TENM3: variants seen among roughly 807,000 people sequenced by gnomAD.
TENM3 encodes the protein teneurin-3.
In TENM3, 63 loss-of-function variants were observed where a neutral mutation model predicts 255.1. The observed-to-expected ratio is 0.25, with a 90% CI of 0.20 to 0.30. The LOEUF is 0.30. TENM3 is among the 10% of genes least tolerant of loss of function. TENM3 has a pLI of 1.00. For synonymous variants in TENM3, 1,306 were observed against 1,322.3 expected (o/e 0.99, Z 0.27); for missense variants, 2,929 against 3,461.1 (o/e 0.85, Z 3.86).
chr4:181,552,110 TAGAA>T, the TENM3 span, among the ~76,000 whole-genome samples: 2 of 152,020 alleles, frequency 1.3e-5, no homozygotes, highest in Non-Finnish European at 2.9e-5. Flanking sequence ...CCTCTAAGAA[TAGAA>T]AGAGTAATTT....
chr4:181,741,177 C>A, the TENM3 span, among the ~76,000 whole-genome samples: 1 of 152,124 alleles, frequency 6.6e-6, no homozygotes, highest in Non-Finnish European at 1.5e-5. Context: ...ACTGAAATAT[C>A]AATAATAACA....
At chr4:181,609,371 G>A in the TENM3 span, among the ~76,000 whole-genome samples, 627 of 152,234 alleles carry the variant, frequency 4.1e-3, 1 homozygote, top group Non-Finnish European at 7.0e-3. Flanking sequence ...ACATCACTCT[G>A]TAAGCTTTTT....
intron 3 of TENM3, among the ~76,000 whole-genome samples, chr4:182,494,999 T>A (rs571391000): frequency 3.7e-4 from 56 of 152,244 alleles, no homozygotes; most frequent in African/African-American, 1.3e-3. Context: ...TCTTTGGAGA[T>A]GTTGTATGCT....
the TENM3 span, among the ~76,000 whole-genome samples, chr4:182,070,857 C>A: frequency 6.6e-6 from 1 of 152,128 alleles, no homozygotes; most frequent in African/African-American, 2.4e-5. Flanking sequence ...TTGGGGGTAC[C>A]TTTCCTCTAT....
At chr4:181,970,207 A>C in the TENM3 span, among the ~76,000 whole-genome samples, 3 of 152,232 alleles carry the variant, frequency 2.0e-5, no homozygotes, top group South Asian at 2.1e-4. Flanking sequence ...TCATTTAAAT[A>C]ATAATGAGGG....
At chr4:181,620,421 C>G in the TENM3 span, among the ~76,000 whole-genome samples, 3 of 152,124 alleles carry the variant, frequency 2.0e-5, no homozygotes, top group Non-Finnish European at 4.4e-5. Flanking sequence ...AAGGTTGGCT[C>G]TCTTTATACA....
chr4:182,716,191 A>C (rs1383725563), intron 13 of TENM3, among the ~76,000 whole-genome samples: 2 of 152,128 alleles, frequency 1.3e-5, no homozygotes, highest in Non-Finnish European at 2.9e-5. Flanking sequence ...TTGATCATAT[A>C]GTTCAGATTT....
chr4:182,719,555 G>C (rs1191856487), intron 13 of TENM3, among the ~76,000 whole-genome samples: 1 of 151,912 alleles, frequency 6.6e-6, no homozygotes, highest in Admixed American at 6.6e-5. Context: ...CACTGCGCCT[G>C]GCCTAGAGCT....
Position 182,213,947 on chromosome 4 carries a change from G to A in TENM3, c.-76+69193G>A, listed in dbSNP as rs189287132. Among the ~76,000 whole-genome samples, 821 of 151,968 alleles carry A rather than the reference G, an allele frequency of 5.4e-3. 9 individuals carry two copies. Among genetic ancestry groups the A allele is most frequent in the African/African-American group, 0.019 (775 of 41,462 alleles). On this transcript the variant is annotated intron_variant, in intron 1 of 2. Coordinates refer to the TENM3 transcript ENST00000512480. ...CTCCCGAGTAGCTGGGACTACAGGC[G>A]CCCGCCACCACGCCTGGCTAATTTT...
At chr4:182,385,355 C>T (rs1767843574) in intron 3 of TENM3, among the ~76,000 whole-genome samples, 1 of 148,346 alleles carries the variant, frequency 6.7e-6, no homozygotes, top group African/African-American at 2.5e-5. Flanking sequence ...ACCTCTGCCT[C>T]CCAGATTCAA....
the TENM3 span, among the ~76,000 whole-genome samples, chr4:181,508,932 A>G: frequency 3.4e-5 from 5 of 148,060 alleles, no homozygotes; most frequent in Non-Finnish European, 4.5e-5. Flanking sequence ...CAGGATTAAA[A>G]AAGAAGTTGG....
the TENM3 span, among the ~76,000 whole-genome samples, chr4:181,727,782 C>T: frequency 1.3e-4 from 20 of 152,098 alleles, no homozygotes; most frequent in African/African-American, 2.7e-4. Context: ...ATTAAGGATA[C>T]GTTTTTTAAA....
chr4:182,523,469 C>T (rs1029529927), intron 3 of TENM3, among the ~76,000 whole-genome samples: 3 of 152,142 alleles, frequency 2.0e-5, no homozygotes, highest in African/African-American at 7.2e-5. Context: ...TGGGTAGGGG[C>T]AACCTTCCAT....
the TENM3 span, among the ~76,000 whole-genome samples, chr4:181,871,494 T>C: frequency 1.3e-5 from 2 of 152,108 alleles, no homozygotes; most frequent in Non-Finnish European, 2.9e-5. Context: ...AACAGTCATT[T>C]TGTCTATGAA....
chr4:181,634,472 C>G, the TENM3 span, among the ~76,000 whole-genome samples: 1 of 148,540 alleles, frequency 6.7e-6, no homozygotes, highest in Non-Finnish European at 1.5e-5. Flanking sequence ...TTTTTTTTCA[C>G]ACAGCATACC....
chr4:182,005,759 T>C, the TENM3 span, among the ~76,000 whole-genome samples: 1 of 152,178 alleles, frequency 6.6e-6, no homozygotes, highest in Non-Finnish European at 1.5e-5. Context: ...CAGTGGTTTG[T>C]AGTTCTCCTT....
At chr4:181,676,773 C>T in the TENM3 span, among the ~76,000 whole-genome samples, 1 of 152,092 alleles carries the variant, frequency 6.6e-6, no homozygotes, top group East Asian at 1.9e-4. Flanking sequence ...AGCCAAAACA[C>T]TCCTCAACAC....
the TENM3 span, among the ~76,000 whole-genome samples, chr4:181,846,172 G>T: frequency 9.9e-5 from 15 of 151,890 alleles, no homozygotes; most frequent in Admixed American, 4.6e-4. Flanking sequence ...TAAAACATTA[G>T]AACTGCTTAT....
the TENM3 span, among the ~76,000 whole-genome samples, chr4:181,630,787 T>C: frequency 6.6e-6 from 1 of 152,204 alleles, no homozygotes; most frequent in Non-Finnish European, 1.5e-5. Flanking sequence ...ATAAGTGTGA[T>C]GTGGTGCTGA....
Sources: allele counts gnomAD v4.1 joint callset (sites outside exome capture counted in the v4.1 genomes callset), GRCh38; gene constraint gnomAD v4.1.1; transcripts MANE v1.5; gene names NCBI Gene and HGNC (gene_info 2026-07-23, HGNC 2026-07-21).